RNF17: variants seen among roughly 807,000 people sequenced by gnomAD.
RNF17 encodes ring finger protein 17, also known as spermatogenesis associated 23.
RNF17 carries 31 observed loss-of-function variants against 200.5 expected under a neutral mutation model. The ratio of observed to expected loss-of-function variants is 0.15; its 90% CI spans 0.12 to 0.21. RNF17 has a LOEUF of 0.21. Ranked by LOEUF, RNF17 falls within the 10% of genes least tolerant of loss-of-function variation. The pLI is 1.00. For missense variants in RNF17, 1,628 were observed against 1,905.1 expected (o/e 0.85, Z 2.71); for synonymous variants, 606 against 637.8 (o/e 0.95, Z 0.75).
chr13:24,828,882 C>T (rs575921837), intron 16 of RNF17, among the ~76,000 whole-genome samples: 2 of 151,602 alleles, frequency 1.3e-5, no homozygotes, highest in Admixed American at 1.3e-4. Flanking sequence ...GATCATGGTT[C>T]ACTGCGACCT....
chr13:24,882,777 C>T (rs1437497024), downstream of RNF17: 2 of 191,372 alleles, frequency 1.0e-5, no homozygotes, highest in Non-Finnish European at 2.2e-5. Context: ...TACAGAGACA[C>T]GTGTTTACTC....
rs138843935 is a variant in RNF17 at position 24,859,143 on chromosome 13, G to T, written c.3753G>T (p.Glu1251Asp). ...DTLWYRGKVMEVVGGAVRVQY... is the reference protein window; with the variant it reads ...DTLWYRGKVMDVVGGAVRVQY... The stretch of plus-strand genomic sequence containing the variant: ...TGTGGTATCGTGGCAAGGTGATGGA[G>T]GTTGTAGGTGGCGCTGTCAGAGTGA... Residue 1251 changes from glutamate (E) to aspartate (D), a missense_variant, in exon 26 of 36, where the codon GAG (glutamate) becomes GAT (aspartate). Glu to Asp is a conservative substitution (Grantham distance 45, BLOSUM62 2). This residue lies in a region of RNF17 where 609 missense variants were observed against 681.9 expected (regional missense o/e 0.89). Coordinates refer to ENST00000255324, the MANE Select transcript of RNF17 (RefSeq NM_031277.3). 2 of 1,600,322 alleles carry T rather than the reference G, an allele frequency of 1.2e-6. No homozygotes were observed. The highest frequency in any genetic ancestry group is 2.7e-5 in the African/African-American group (2 of 74,612).
At chr13:24,817,073 G>A (rs1887496156) in intron 15 of RNF17, among the ~76,000 whole-genome samples, 1 of 152,156 alleles carries the variant, frequency 6.6e-6, no homozygotes, top group African/African-American at 2.4e-5. Context: ...AAGGGATATT[G>A]ATCTGTAATT....
At chr13:24,848,529 G>T (rs1891498293) in intron 22 of RNF17, among the ~76,000 whole-genome samples, 1 of 152,112 alleles carries the variant, frequency 6.6e-6, no homozygotes, top group Non-Finnish European at 1.5e-5. Context: ...AGGTGTGGTG[G>T]CAGGCACCTG....
chr13:24,782,876 T>A (rs1446288), intron 6 of RNF17, among the ~76,000 whole-genome samples: 65,647 of 151,998 alleles, frequency 0.43, 14,259 homozygotes, highest in East Asian at 0.48. Context: ...CTCTCGATAA[T>A]GTCCTTTGAT....
chr13:24,888,147 T>C, the RNF17 span, among the ~76,000 whole-genome samples: 2 of 152,092 alleles, frequency 1.3e-5, no homozygotes, highest in Admixed American at 6.6e-5. Flanking sequence ...CAAAAGCGCA[T>C]AGAAGAAAAT....
intron 15 of RNF17, among the ~76,000 whole-genome samples, chr13:24,809,285 T>C (rs1471393481): frequency 6.6e-6 from 1 of 151,466 alleles, no homozygotes. Flanking sequence ...TGGACTCTTT[T>C]TGGTTGGTAA....
Position 24,793,254 on chromosome 13 carries a change from C to T in RNF17, c.1148C>T (p.Ala383Val). 4 of 1,614,042 alleles carry T rather than the reference C, an allele frequency of 2.5e-6. No individual in the cohort carries two copies. Among genetic ancestry groups the T allele is most frequent in the South Asian group, 1.1e-5 (1 of 91,078 alleles). ...AKNFQPQKDVATASPKTIAVL... is the reference protein window; with the variant it reads ...AKNFQPQKDVVTASPKTIAVL... ...AACTTCCAGCCACAGAAAGACGTTG[C>T]AACAGCATCCCCTAAAACCATTGCT... The change falls in exon 10 of 36, where the codon GCA (alanine) becomes GTA (valine). Residue 383 changes from alanine (A) to valine (V), a missense_variant. By Grantham distance (64) the Ala-to-Val change is moderately conservative (BLOSUM62 0). Around this residue, in one of 5 missense-constraint regions of RNF17, gnomAD observed 502 missense variants for 501.7 expected, o/e 1.00. Coordinates refer to ENST00000255324, the MANE Select transcript of RNF17 (RefSeq NM_031277.3).
Position 24,788,173 on chromosome 13 carries a change from T to A in RNF17, c.783+14T>A. The A allele has an allele frequency of 6.4e-7, 1 of 1,558,790 alleles. No individual in the cohort carries two copies. Among genetic ancestry groups the A allele is most frequent in the Non-Finnish European group, 8.6e-7 (1 of 1,156,890 alleles). ...GACCTGAATCAGGTAATTTAATAGT[T>A]CACAATGTGAGTTATTTCTGTGGTA... On this transcript the variant is annotated intron_variant, in intron 7 of 35. Transcript: ENST00000255324.
chr13:24,854,214 A>G, intron 25 of RNF17, 70 bp downstream of exon 25: 1 of 1,134,658 alleles, frequency 8.8e-7, no homozygotes, highest in Non-Finnish European at 1.3e-6. Context: ...TACTTTGGGC[A>G]ACCTCTTTGA....
intron 1 of RNF17, among the ~76,000 whole-genome samples, chr13:24,764,704 T>A (rs973475834): frequency 6.6e-6 from 1 of 152,200 alleles, no homozygotes; most frequent in African/African-American, 2.4e-5. Context: ...GAAACTTGAT[T>A]TTCTCCTGTA....
intron 34 of RNF17, among the ~76,000 whole-genome samples, chr13:24,878,025 G>C (rs1431746323): frequency 6.6e-6 from 1 of 152,188 alleles, no homozygotes; most frequent in Non-Finnish European, 1.5e-5. Flanking sequence ...CCTCTGAAAT[G>C]GCAGTCAGCT....
the RNF17 span, chr13:24,886,305 G>A: frequency 2.1e-5 from 27 of 1,288,970 alleles, no homozygotes; most frequent in Middle Eastern, 2.1e-4. Flanking sequence ...TGGATGTTAC[G>A]GGAGAATGGC....
chr13:24,861,800 T>TA (rs1893127730), intron 27 of RNF17, among the ~76,000 whole-genome samples: 2 of 152,150 alleles, frequency 1.3e-5, no homozygotes, highest in Admixed American at 1.3e-4. Flanking sequence ...GTTCAGGGAT[T>TA]AGGAGTGGCT....
intron 6 of RNF17, 88 bp downstream of exon 6, chr13:24,782,032 G>A: frequency 2.3e-6 from 2 of 879,838 alleles, no homozygotes; most frequent in East Asian, 5.2e-5. Context: ...ATGGTAATGG[G>A]TAACTTTTAA....
chr13:24,808,684 G>C (rs1307042071), intron 15 of RNF17, among the ~76,000 whole-genome samples: 1 of 69,656 alleles, frequency 1.4e-5, no homozygotes, highest in Admixed American at 1.8e-4. Context: ...ACACTATGTT[G>C]AATAGGAGTG....
intron 12 of RNF17, among the ~76,000 whole-genome samples, chr13:24,800,092 A>G (rs1310262431): frequency 6.6e-6 from 1 of 152,124 alleles, no homozygotes; most frequent in Non-Finnish European, 1.5e-5. Flanking sequence ...GTAGATTTAT[A>G]TGGGGGGAAG....
chr13:24,874,325 C>A, intron 33 of RNF17, 76 bp downstream of exon 33: 1 of 1,306,002 alleles, frequency 7.7e-7, no homozygotes, highest in Admixed American at 2.8e-5. Flanking sequence ...ATATTTTTGC[C>A]TCTTTTAAAA....
chr13:24,789,495 G>A (rs1883571326), intron 8 of RNF17, 71 bp downstream of exon 8: 3 of 1,145,486 alleles, frequency 2.6e-6, no homozygotes, highest in Admixed American at 4.0e-5. Context: ...TATTAAAATA[G>A]CAAGTAATAA....
Sources: allele counts gnomAD v4.1 joint callset (sites outside exome capture counted in the v4.1 genomes callset), GRCh38; gene constraint gnomAD v4.1.1; regional missense constraint gnomAD v4.1.1; transcripts MANE v1.5; gene names NCBI Gene and HGNC (gene_info 2026-07-23, HGNC 2026-07-21).